Variants in FOXP2 observed in about 807,000 individuals in gnomAD.
The protein encoded by FOXP2 is forkhead box P2, also known as forkhead box protein P2.
Under a neutral mutation model 115.8 loss-of-function variants are expected in FOXP2, and 12 were observed. That is an observed-to-expected ratio of 0.10 (90% CI 0.07 to 0.17). FOXP2 has a LOEUF of 0.17. FOXP2 is among the 10% of genes least tolerant of loss of function. The pLI, the probability that FOXP2 is intolerant of heterozygous loss-of-function variation, is 1.00. For synonymous variants in FOXP2, 328 were observed against 297.7 expected, an observed-to-expected ratio of 1.10 and a Z score of -1.05; for missense variants, 629 against 843.5, an observed-to-expected ratio of 0.75 and a Z score of 3.15.
intron 2 of FOXP2, among the ~76,000 whole-genome samples, chr7:114,471,218 T>A (rs1449121251): frequency 6.6e-6 from 1 of 152,192 alleles, no homozygotes; most frequent in Non-Finnish European, 1.5e-5. Flanking sequence ...AATTTAAAAA[T>A]AATTGAAATT....
At chr7:114,373,317 G>A (rs753177471) in intron 2 of FOXP2, among the ~76,000 whole-genome samples, 2 of 152,152 alleles carry the variant, frequency 1.3e-5, no homozygotes, top group Admixed American at 1.3e-4. Context: ...GTCGCGCCCA[G>A]CCGAATCAAA....
intron 3 of FOXP2, among the ~76,000 whole-genome samples, chr7:114,570,325 A>G (rs1349278151): frequency 6.6e-6 from 1 of 151,924 alleles, no homozygotes; most frequent in Non-Finnish European, 1.5e-5. Flanking sequence ...TAAATAAATT[A>G]TTGTGATTGT....
At chr7:114,513,071 A>G (rs1330427962) in intron 2 of FOXP2, among the ~76,000 whole-genome samples, 1 of 152,166 alleles carries the variant, frequency 6.6e-6, no homozygotes, top group East Asian at 1.9e-4. Flanking sequence ...TGACAGACCA[A>G]GACTCCATCT....
chr7:114,519,793 T>C (rs1418076579), intron 2 of FOXP2, among the ~76,000 whole-genome samples: 1 of 152,160 alleles, frequency 6.6e-6, no homozygotes, highest in Non-Finnish European at 1.5e-5. Flanking sequence ...TTTCAAGCAG[T>C]GGCCATTTGG....
At position 114,301,135 on chromosome 7, in the gene FOXP2, C is replaced by A. The variant is rs550470866; in HGVS notation, c.-11+13026C>A. Among the ~76,000 whole-genome samples, 5 of 152,040 alleles carry A rather than the reference C, an allele frequency of 3.3e-5. No individual in the cohort carries two copies. The South Asian group carries it at 6.2e-4, about 19-fold the overall frequency. The stretch of plus-strand genomic sequence containing the variant: ...TATAAATGCCCTACTTGCAGAATAG[C>A]CTTAATTTTAACAGCCAAAAAGAGT... On this transcript the variant is annotated intron_variant, in intron 2 of 17. Coordinates refer to the FOXP2 transcript ENST00000634411.
At chr7:114,283,738 G>A (rs1042241722) in intron 1 of FOXP2, among the ~76,000 whole-genome samples, 1 of 152,060 alleles carries the variant, frequency 6.6e-6, no homozygotes, top group African/African-American at 2.4e-5. Flanking sequence ...TAATATGAGA[G>A]GATTGCTTGA....
intron 2 of FOXP2, among the ~76,000 whole-genome samples, chr7:114,530,162 A>G (rs1267484679): frequency 1.3e-5 from 2 of 151,834 alleles, no homozygotes; most frequent in Non-Finnish European, 2.9e-5. Context: ...CCTGTTCCAC[A>G]TAATCGTTTC....
chr7:114,561,477 A>G (rs2129291230), intron 3 of FOXP2: 1 of 152,344 alleles, frequency 6.6e-6, no homozygotes, highest in African/African-American at 2.4e-5. Flanking sequence ...AATGTATTTT[A>G]AAGAAGTTTG....
At chr7:114,647,715 T>C (rs1434947077) in intron 8 of FOXP2, among the ~76,000 whole-genome samples, 2 of 151,998 alleles carry the variant, frequency 1.3e-5, no homozygotes, top group East Asian at 3.8e-4. Context: ...TGTCAAAGAG[T>C]AATAACATCT....
At chr7:114,426,959 G>A (rs1022289170) in intron 2 of FOXP2, among the ~76,000 whole-genome samples, 2 of 151,564 alleles carry the variant, frequency 1.3e-5, no homozygotes, top group Non-Finnish European at 3.0e-5. Flanking sequence ...ATATTTTATA[G>A]CTTCTAGTTT....
At chr7:114,322,717 T>G (rs566600306) in intron 2 of FOXP2, among the ~76,000 whole-genome samples, 10 of 152,166 alleles carry the variant, frequency 6.6e-5, no homozygotes, top group South Asian at 2.1e-4. Flanking sequence ...TCTAAAAAAA[T>G]GTGGTACTTT....
intron 2 of FOXP2, among the ~76,000 whole-genome samples, chr7:114,308,559 T>A (rs140856189): frequency 1.3e-5 from 2 of 152,174 alleles, no homozygotes; most frequent in Non-Finnish European, 2.9e-5. Context: ...GTGACCAAAT[T>A]GTCCTGCTAA....
chr7:114,556,721 A>C (rs891859946), intron 3 of FOXP2, among the ~76,000 whole-genome samples: 3 of 152,208 alleles, frequency 2.0e-5, no homozygotes, highest in Non-Finnish European at 4.4e-5. Flanking sequence ...ATGAAAGCAT[A>C]ATACCCTATA....
chr7:114,534,184 T>C (rs1227926587), intron 2 of FOXP2, among the ~76,000 whole-genome samples: 1 of 151,916 alleles, frequency 6.6e-6, no homozygotes, highest in Non-Finnish European at 1.5e-5. Flanking sequence ...GATAATCTGA[T>C]GTTGATTTGT....
chr7:114,208,390 G>A (rs1381880923), intron 1 of FOXP2, among the ~76,000 whole-genome samples: 3 of 152,128 alleles, frequency 2.0e-5, no homozygotes, highest in African/African-American at 7.2e-5. Flanking sequence ...ATTGTATCTG[G>A]GAAGTAACTA....
At chr7:114,120,670 A>G (rs1410998918) in intron 1 of FOXP2, among the ~76,000 whole-genome samples, 6 of 147,304 alleles carry the variant, frequency 4.1e-5, no homozygotes, top group South Asian at 2.2e-4. Context: ...TCATATATGT[A>G]TGTGTGTGTG....
At chr7:114,271,505 AATAAT>A (rs1796037473) in intron 1 of FOXP2, among the ~76,000 whole-genome samples, 1 of 132,502 alleles carries the variant, frequency 7.5e-6, no homozygotes, top group South Asian at 2.1e-4. Flanking sequence ...TAAATATATT[AATAAT>A]ATAATATTAA....
chr7:114,654,255 C>A (rs1806449901), intron 10 of FOXP2: 1 of 854,646 alleles, frequency 1.2e-6, no homozygotes, highest in Middle Eastern at 4.2e-4. Context: ...GCACAAATCA[C>A]TGCCTTGGGG....
intron 3 of FOXP2, among the ~76,000 whole-genome samples, chr7:114,608,761 G>A (rs1803470232): frequency 2.6e-5 from 4 of 152,174 alleles, no homozygotes; most frequent in Admixed American, 2.6e-4. Context: ...AAGAGCATCT[G>A]TATGAAACAT....
Sources: gnomAD v4.1 joint callset for allele counts (sites outside exome capture counted in the v4.1 genomes callset) on GRCh38, gnomAD v4.1.1 for gene constraint, MANE v1.5 for transcripts, NCBI Gene and HGNC (gene_info 2026-07-23, HGNC 2026-07-21) for gene names.